Variants in CCDC171 observed in about 807,000 individuals in gnomAD.
CCDC171 encodes coiled-coil domain containing 171.
CCDC171 carries 177 observed loss-of-function variants against 168.2 expected under a neutral mutation model. The observed-to-expected ratio is 1.05, with a 90% CI of 0.93 to 1.19. The LOEUF is 1.19. Among genes scored for constraint, CCDC171 ranks in the 50% most tolerant of loss-of-function variants. The probability of loss-of-function intolerance (pLI) is 0.00; values close to 1 mark genes in which losing one functional copy is unlikely to be tolerated. For missense variants in CCDC171, 1,991 were observed against 1,539.0 expected, an observed-to-expected ratio of 1.29 and a Z score of -4.91; for synonymous variants, 687 against 540.8, an observed-to-expected ratio of 1.27 and a Z score of -3.75.
Position 15,723,708 on chromosome 9 carries a change from A to G in CCDC171, c.1453A>G (p.Thr485Ala). The change falls in exon 13 of 26, where the codon ACG becomes GCG. Residue 485 changes from threonine (T) to alanine (A), a missense_variant. By Grantham distance (58) the Thr-to-Ala change is moderately conservative. Coordinates refer to ENST00000380701, the MANE Select transcript of CCDC171 (RefSeq NM_173550.4). ...EEKACNELDS[T>A]KQKIDSHTKN... ...AAAGGCATGTAATGAACTTGATTCT[A>G]CGAAACAGAAGATAGACTCTCACAC... The G allele has an allele frequency of 1.3e-6, 2 of 1,587,902 alleles. No homozygotes were observed. The highest frequency in any genetic ancestry group is 1.7e-6 in the Non-Finnish European group (2 of 1,162,082).
chr9:15,900,859 C>G (rs944591038), intron 24 of CCDC171, among the ~76,000 whole-genome samples: 1 of 152,142 alleles, frequency 6.6e-6, no homozygotes, highest in African/African-American at 2.4e-5. Context: ...TGGGGACAAA[C>G]CCAGCTGCTG....
intron 1 of CCDC171, among the ~76,000 whole-genome samples, chr9:15,560,765 T>C (rs71513237): frequency 2.6e-5 from 4 of 152,164 alleles, no homozygotes; most frequent in African/African-American, 9.6e-5. Flanking sequence ...CCAGCTTTGT[T>C]CCGTTGCTGG....
intron 11 of CCDC171, among the ~76,000 whole-genome samples, chr9:15,699,567 G>A (rs1194007440): frequency 6.6e-6 from 1 of 152,142 alleles, no homozygotes; most frequent in Non-Finnish European, 1.5e-5. Context: ...TAGACACAAA[G>A]GTTCTCCACG....
chr9:15,907,036 G>A (rs913532662), intron 24 of CCDC171, among the ~76,000 whole-genome samples: 10 of 152,142 alleles, frequency 6.6e-5, no homozygotes, highest in African/African-American at 2.2e-4. Flanking sequence ...AACATTCCAT[G>A]CTCATGGGTA....
chr9:15,784,754 G>T, intron 21 of CCDC171, 60 bp downstream of exon 21: 1 of 1,277,548 alleles, frequency 7.8e-7, no homozygotes, highest in Non-Finnish European at 1.1e-6. Context: ...GGATCTTAGA[G>T]GGAATTATGA....
chr9:16,068,206 A>C, the CCDC171 span, among the ~76,000 whole-genome samples: 2 of 150,040 alleles, frequency 1.3e-5, no homozygotes, highest in Non-Finnish European at 2.9e-5. Context: ...TCCCATTCAC[A>C]ATTGCTTCAA....
In CCDC171 at chr9:15,971,672, A is replaced by C; in HGVS notation, c.3817A>C (p.Thr1273Pro). The change falls in exon 26 of 26, where the codon ACT becomes CCT. Residue 1273 changes from threonine to proline, a missense_variant. Coordinates refer to ENST00000380701, the MANE Select transcript of CCDC171 (RefSeq NM_173550.4). ...AAGAGCTCCTCTTCCTGCTGACACA[A>C]CTGGTATTGGGGATTTCTTACCATT... ...PSRAPLPADT[T>P]GIGDFLPLKA... The C allele has an allele frequency of 1.2e-6, 2 of 1,613,874 alleles. No individual in the cohort carries two copies. Among genetic ancestry groups the C allele is most frequent in the Non-Finnish European group, 1.7e-6 (2 of 1,179,876 alleles).
chr9:15,668,088 G>T (rs1357065299), intron 9 of CCDC171, among the ~76,000 whole-genome samples: 1 of 152,110 alleles, frequency 6.6e-6, no homozygotes, highest in Non-Finnish European at 1.5e-5. Flanking sequence ...TAATGATTAG[G>T]ACCTACAAGT....
chr9:15,836,104 A>G (rs1333226819), intron 21 of CCDC171, among the ~76,000 whole-genome samples: 1 of 152,194 alleles, frequency 6.6e-6, no homozygotes, highest in Non-Finnish European at 1.5e-5. Flanking sequence ...GATTTTCTAA[A>G]GTATCTCCTG....
intron 23 of CCDC171, among the ~76,000 whole-genome samples, chr9:15,855,794 A>C (rs1001506331): frequency 6.6e-6 from 1 of 151,884 alleles, no homozygotes; most frequent in Non-Finnish European, 1.5e-5. Flanking sequence ...ACGTAGTGCC[A>C]ATTATGTTTA....
chr9:15,750,951 A>C (rs1166647962), intron 18 of CCDC171, among the ~76,000 whole-genome samples: 1 of 152,190 alleles, frequency 6.6e-6, no homozygotes, highest in Non-Finnish European at 1.5e-5. Flanking sequence ...AGAGAAAGAA[A>C]GGGTATTCAG....
intron 1 of CCDC171, among the ~76,000 whole-genome samples, chr9:15,563,539 A>G (rs529846637): frequency 7.2e-5 from 11 of 152,324 alleles, no homozygotes; most frequent in South Asian, 4.1e-4. Flanking sequence ...TAAAATACCA[A>G]TTACAGTGCT....
chr9:15,659,948 A>G (rs2048195438), intron 8 of CCDC171, among the ~76,000 whole-genome samples: 1 of 152,210 alleles, frequency 6.6e-6, no homozygotes, highest in South Asian at 2.1e-4. Flanking sequence ...ATCAAAGGCT[A>G]CTTATATTAA....
chr9:15,769,255 A>G (rs1392717806), intron 18 of CCDC171, among the ~76,000 whole-genome samples: 1 of 152,188 alleles, frequency 6.6e-6, no homozygotes, highest in Non-Finnish European at 1.5e-5. Context: ...CTCTGACTGA[A>G]GTAGTCCAGG....
chr9:15,911,208 T>C (rs1469344764), intron 24 of CCDC171, among the ~76,000 whole-genome samples: 1 of 152,208 alleles, frequency 6.6e-6, no homozygotes, highest in African/African-American at 2.4e-5. Context: ...CCAGCATGTG[T>C]TGTTTCCTGA....
intron 18 of CCDC171, 99 bp downstream of exon 18, chr9:15,745,730 T>G: frequency 1.6e-6 from 1 of 639,628 alleles, no homozygotes; most frequent in East Asian, 2.9e-5. Flanking sequence ...TAGGGGGAAA[T>G]ATATTTGTTT....
At chr9:15,985,991 G>T (rs1831973685) in intron 3 of CCDC171, among the ~76,000 whole-genome samples, 1 of 152,152 alleles carries the variant, frequency 6.6e-6, no homozygotes, top group Non-Finnish European at 1.5e-5. Context: ...TCTGTACTTG[G>T]TTGAAAGGCA....
At chr9:15,858,681 T>A (rs543817023) in intron 23 of CCDC171, among the ~76,000 whole-genome samples, 4 of 152,124 alleles carry the variant, frequency 2.6e-5, no homozygotes, top group Non-Finnish European at 4.4e-5. Flanking sequence ...TAAGTGTGAT[T>A]TTTTTTAGTG....
At chr9:15,665,213 G>A (rs952248182) in intron 8 of CCDC171, among the ~76,000 whole-genome samples, 1 of 152,012 alleles carries the variant, frequency 6.6e-6, no homozygotes, top group African/African-American at 2.4e-5. Flanking sequence ...GGCAGCTTCT[G>A]ACTCCCTGGC....
Sources: allele counts gnomAD v4.1 joint callset (sites outside exome capture counted in the v4.1 genomes callset), GRCh38; gene constraint gnomAD v4.1.1; transcripts MANE v1.5; gene names NCBI Gene and HGNC (gene_info 2026-07-23, HGNC 2026-07-21).